The following RPL21 variants were observed in gnomAD, a reference collection of about 807,000 sequenced individuals.
RPL21 encodes the protein ribosomal protein L21, also known as large ribosomal subunit protein eL21.
Under a neutral mutation model 21.2 loss-of-function variants are expected in RPL21, and 1 was observed. That is an observed-to-expected ratio of 0.05 (90% CI 0.02 to 0.22). The LOEUF (loss-of-function observed/expected upper bound fraction) is 0.22. RPL21 is among the 10% of genes least tolerant of loss of function. The probability of loss-of-function intolerance (pLI) is 1.00; values close to 1 mark genes in which losing one functional copy is unlikely to be tolerated. For synonymous variants in RPL21, 52 were observed against 62.9 expected, an observed-to-expected ratio of 0.83 and a Z score of 0.82; for missense variants, 113 against 199.4, an observed-to-expected ratio of 0.57 and a Z score of 2.61.
intron 1 of RPL21, among the ~76,000 whole-genome samples, chr13:27,252,176 C>T (rs1223799613): frequency 6.6e-6 from 1 of 152,102 alleles, no homozygotes; most frequent in Non-Finnish European, 1.5e-5. Context: ...TTAGTTAATG[C>T]ATAAGACGAT....
At chr13:27,255,490 C>G (rs1347762052) in intron 4 of RPL21, 136 bp downstream of exon 4, 2 of 765,908 alleles carry the variant, frequency 2.6e-6, no homozygotes, top group South Asian at 1.4e-5. Flanking sequence ...CTCAGGCAAA[C>G]TGGGTGTTTG....
intron 1 of RPL21, among the ~76,000 whole-genome samples, chr13:27,253,107 A>C (rs1392968872): frequency 6.6e-6 from 1 of 152,230 alleles, no homozygotes; most frequent in Admixed American, 6.5e-5. Context: ...ACATTACCTC[A>C]GCTACGAAAG....
chr13:27,255,083 T>G (rs556393841), intron 3 of RPL21, 159 bp from the exon 4 acceptor site: 52 of 768,726 alleles, frequency 6.8e-5, no homozygotes, highest in Admixed American at 1.5e-4. Flanking sequence ...ATGACTGTTT[T>G]TTTTGATTGC....
Position 27,255,564 on chromosome 13 carries a change from A to G in RPL21, c.242+210A>G, listed in dbSNP as rs1022442356. 4.1e-6 allele frequency: 3 copies of G among 730,818 alleles called. No homozygotes were observed. The African/African-American group carries it at 5.1e-5, about 13-fold the overall frequency. 45.3% of individuals were successfully genotyped at this position (730,818 alleles called of 1,614,324 possible). On this transcript the variant is annotated intron_variant, in intron 4 of 5. Transcript: ENST00000311549. ...ACTGGAAAGTCTTACACAGTTAGTT[A>G]CTAAGCGGTTTGTTTGTTTTGTTTC...
chr13:27,253,008 C>T (rs1208671720), intron 1 of RPL21, among the ~76,000 whole-genome samples: 1 of 152,126 alleles, frequency 6.6e-6, no homozygotes, highest in Non-Finnish European at 1.5e-5. Flanking sequence ...TTCTAAATGC[C>T]TGTAGGTGAA....
chr13:27,254,751 C>T (rs1881816625), intron 3 of RPL21, among the ~76,000 whole-genome samples: 1 of 152,130 alleles, frequency 6.6e-6, no homozygotes, highest in African/African-American at 2.4e-5. Context: ...TTGAACACCT[C>T]GGGTGATCCG....
At position 27,256,429 on chromosome 13, in the gene RPL21, T is replaced by C; in HGVS notation, c.394-7T>C. The C allele has an allele frequency of 1.9e-6, 3 of 1,589,816 alleles. No individual in the cohort carries two copies. Among genetic ancestry groups the C allele is most frequent in the Non-Finnish European group, 2.6e-6 (3 of 1,158,084 alleles). On this transcript the variant is annotated splice_polypyrimidine_tract_variant and splice_region_variant and intron_variant, in intron 5 of 5. Transcript: ENST00000311549. ...TTATTTTATTCCCTTTTTTTTTCCT[T>C]TAATAGCCTGCTCCACCCAGAGAAG... is the stretch of plus-strand genomic sequence containing the variant.
chr13:27,252,930 C>T (rs1881716697), intron 1 of RPL21, among the ~76,000 whole-genome samples: 1 of 152,134 alleles, frequency 6.6e-6, no homozygotes, highest in Non-Finnish European at 1.5e-5. Flanking sequence ...GCATTTCTGC[C>T]CTATAATGAC....
chr13:27,253,702 A>G (rs1881755779), intron 1 of RPL21, 63 bp from the exon 2 acceptor site: 1 of 866,584 alleles, frequency 1.2e-6, no homozygotes, highest in East Asian at 2.4e-5. Flanking sequence ...ATTTGAAATT[A>G]CAGGGGTTTG....
chr13:27,252,149 A>G (rs1881680704), intron 1 of RPL21, among the ~76,000 whole-genome samples: 1 of 152,146 alleles, frequency 6.6e-6, no homozygotes, highest in African/African-American at 2.4e-5. Flanking sequence ...GTCCTGGGTG[A>G]TGAACCCTCA....
At chr13:27,252,413 A>G (rs1016339125) in intron 1 of RPL21, among the ~76,000 whole-genome samples, 1 of 152,164 alleles carries the variant, frequency 6.6e-6, no homozygotes, top group Non-Finnish European at 1.5e-5. Flanking sequence ...GGTGGATCCT[A>G]GTTGCCATGA....
chr13:27,252,381 C>T (rs1390329491), intron 1 of RPL21, among the ~76,000 whole-genome samples: 2 of 152,156 alleles, frequency 1.3e-5, no homozygotes, highest in East Asian at 3.8e-4. Context: ...CAGAGTCGAG[C>T]AAACTGCAGG....
chr13:27,255,398 A>C, intron 4 of RPL21, 44 bp downstream of exon 4: 1 of 823,372 alleles, frequency 1.2e-6, no homozygotes, highest in Non-Finnish European at 2.2e-6. Flanking sequence ...GTATTCCCTC[A>C]TATACCCCCT....
chr13:27,254,973 T>C (rs1338650539), intron 3 of RPL21: 9 of 595,258 alleles, frequency 1.5e-5, no homozygotes, highest in Non-Finnish European at 2.5e-5. Flanking sequence ...AGTTTAATTA[T>C]TGATGAAGAT....
At position 27,251,582 on chromosome 13, in the gene RPL21, C is replaced by G. The variant is rs1881646832; in HGVS notation, c.-16C>G. 6.6e-6 allele frequency: 1 copy of G among 152,374 alleles called. No individual in the cohort carries two copies. The highest frequency in any genetic ancestry group is 2.4e-5 in the African/African-American group (1 of 41,478). 9.4% of individuals were successfully genotyped at this position (152,374 alleles called of 1,614,324 possible). A position where few individuals can be genotyped will look rare whatever the true frequency, so the allele number is the denominator to read the frequency against. On this transcript the variant is annotated 5_prime_UTR_variant, in exon 1 of 6. Coordinates refer to ENST00000311549, the MANE Select transcript of RPL21 (RefSeq NM_000982.4). ...TCCTTTCGGCCGGAACCGCCATCTT[C>G]CAGGTAGGGCCTACGCGTGGCTCCC... is the stretch of plus-strand genomic sequence containing the variant.
intron 3 of RPL21, chr13:27,254,569 T>C: frequency 2.6e-6 from 1 of 391,208 alleles, no homozygotes; most frequent in South Asian, 2.7e-5. Flanking sequence ...TAATTTTGTA[T>C]TTTTAGTAGA....
intron 3 of RPL21, chr13:27,255,023 T>G (rs1881828557): frequency 1.4e-6 from 1 of 728,068 alleles, no homozygotes; most frequent in Non-Finnish European, 2.5e-6. Flanking sequence ...GTGAAAGCTG[T>G]GTTCTTCTGT....
intron 2 of RPL21, 44 bp downstream of exon 2, chr13:27,253,887 G>A (rs780006928): frequency 1.9e-6 from 2 of 1,054,228 alleles, no homozygotes; most frequent in South Asian, 2.5e-5. Context: ...GCACACATTT[G>A]TGTTCTGTTG....
In RPL21 at chr13:27,254,296, G is replaced by A; in HGVS notation, c.129+15G>A. ...TAGACATCAAGGTAAACATAAAATT[G>A]GGAAAATAACACTACAGAAGATAGA... On this transcript the variant is annotated intron_variant, in intron 3 of 5. Transcript: ENST00000311549. 1 of 1,496,184 alleles carries A rather than the reference G, an allele frequency of 6.7e-7. No homozygotes were observed. The highest frequency in any genetic ancestry group is 9.3e-7 in the Non-Finnish European group (1 of 1,073,494). 92.7% of individuals were successfully genotyped at this position (1,496,184 alleles called of 1,614,324 possible). A position where few individuals can be genotyped will look rare whatever the true frequency, so the allele number is the denominator to read the frequency against.
Sources: allele counts gnomAD v4.1 joint callset (sites outside exome capture counted in the v4.1 genomes callset), GRCh38; gene constraint gnomAD v4.1.1; transcripts MANE v1.5; gene names NCBI Gene and HGNC (gene_info 2026-07-23, HGNC 2026-07-21).